PLCB1: variants seen among roughly 807,000 people sequenced by gnomAD.
PLCB1 encodes the protein 1-phosphatidylinositol 4,5-bisphosphate phosphodiesterase beta-1.
Under a neutral mutation model 161.8 loss-of-function variants are expected in PLCB1, and 46 were observed. The observed-to-expected ratio is 0.28, with a 90% CI of 0.22 to 0.36. The LOEUF is 0.36. PLCB1 is among the 10% of genes least tolerant of loss of function. PLCB1 has a pLI of 1.00. For synonymous variants in PLCB1, 517 were observed against 503.7 expected (o/e 1.03, Z -0.35); for missense variants, 1,016 against 1,472.5 (o/e 0.69, Z 5.07).
At chr20:8,236,493 A>G (rs1276525905) in intron 2 of PLCB1, among the ~76,000 whole-genome samples, 1 of 151,992 alleles carries the variant, frequency 6.6e-6, no homozygotes, top group Non-Finnish European at 1.5e-5. Flanking sequence ...TAATCTCACA[A>G]CTGCACTCCA....
intron 2 of PLCB1, among the ~76,000 whole-genome samples, chr20:8,154,215 G>A (rs2051537606): frequency 6.6e-6 from 1 of 152,156 alleles, no homozygotes; most frequent in Non-Finnish European, 1.5e-5. Flanking sequence ...GTTAGTACAT[G>A]TGTGTCTATA....
intron 27 of PLCB1, among the ~76,000 whole-genome samples, chr20:8,787,368 G>C (rs77269830): frequency 0.015 from 2,234 of 152,230 alleles, 64 homozygotes; most frequent in African/African-American, 0.05. Flanking sequence ...CAGTTTTTCC[G>C]GGGACTCCCT....
At chr20:8,547,641 C>T (rs1333035566) in intron 3 of PLCB1, among the ~76,000 whole-genome samples, 3 of 152,108 alleles carry the variant, frequency 2.0e-5, no homozygotes, top group Non-Finnish European at 4.4e-5. Flanking sequence ...CTCAACTACC[C>T]CACTTGTCAG....
chr20:8,400,801 T>C (rs1978515713), intron 3 of PLCB1, among the ~76,000 whole-genome samples: 1 of 152,196 alleles, frequency 6.6e-6, no homozygotes, highest in Non-Finnish European at 1.5e-5. Flanking sequence ...TTTTATTGTT[T>C]CCGGTTTTTT....
At chr20:8,595,272 C>T (rs1489121985) in intron 3 of PLCB1, among the ~76,000 whole-genome samples, 5 of 139,152 alleles carry the variant, frequency 3.6e-5, no homozygotes, top group Non-Finnish European at 4.6e-5. Flanking sequence ...CACAACAGTC[C>T]CCAGAGTGTG....
Position 8,258,524 on chromosome 20 carries a change from T to A in PLCB1, c.177+108153T>A, listed in dbSNP as rs574104570. Among the ~76,000 whole-genome samples, 7 of 152,284 alleles carry A rather than the reference T, an allele frequency of 4.6e-5. No individual in the cohort carries two copies. The South Asian group carries it at 1.5e-3, about 32-fold the overall frequency. ...AATTTCATACACTTGAAGAAATAGA[T>A]CTTGAGTTCAGTTTTTCCCTGCAAA... On this transcript the variant is annotated intron_variant, in intron 2 of 31. Coordinates refer to ENST00000338037, the MANE Select transcript of PLCB1 (RefSeq NM_015192.4).
intron 2 of PLCB1, among the ~76,000 whole-genome samples, chr20:8,276,514 T>C (rs1341706914): frequency 1.3e-5 from 2 of 152,222 alleles, no homozygotes; most frequent in African/African-American, 2.4e-5. Flanking sequence ...CCTTTCATTG[T>C]TATGTCATAC....
At chr20:8,875,321 G>A (rs1416850366) in intron 31 of PLCB1, among the ~76,000 whole-genome samples, 2 of 149,610 alleles carry the variant, frequency 1.3e-5, no homozygotes, top group Admixed American at 1.3e-4. Context: ...CATTCTCCTA[G>A]ACAGAAGCAA....
At chr20:8,375,550 G>A (rs965460498) in intron 3 of PLCB1, among the ~76,000 whole-genome samples, 3 of 152,102 alleles carry the variant, frequency 2.0e-5, no homozygotes, top group African/African-American at 7.2e-5. Context: ...AGCATAAAGT[G>A]TAATTTTTAC....
At chr20:8,430,114 A>G (rs776233569) in intron 3 of PLCB1, among the ~76,000 whole-genome samples, 16 of 152,038 alleles carry the variant, frequency 1.1e-4, no homozygotes, top group Non-Finnish European at 1.8e-4. Context: ...GGTTATTTAC[A>G]CTGTGACTGG....
intron 3 of PLCB1, among the ~76,000 whole-genome samples, chr20:8,603,001 A>G (rs141262763): frequency 7.9e-4 from 120 of 151,690 alleles, no homozygotes; most frequent in African/African-American, 2.6e-3. Flanking sequence ...CCCCAGATAT[A>G]TATAACTCAT....
intron 3 of PLCB1, among the ~76,000 whole-genome samples, chr20:8,612,997 G>C (rs996225759): frequency 1.3e-5 from 2 of 152,176 alleles, no homozygotes; most frequent in Non-Finnish European, 2.9e-5. Context: ...GATGTGAGAT[G>C]TGTGGGTGGG....
At chr20:8,186,843 T>C (rs144805882) in intron 2 of PLCB1, among the ~76,000 whole-genome samples, 20 of 152,226 alleles carry the variant, frequency 1.3e-4, no homozygotes, top group African/African-American at 4.8e-4. Context: ...TGGACTGGCA[T>C]GAAGTTTCAG....
intron 2 of PLCB1, among the ~76,000 whole-genome samples, chr20:8,231,113 T>C (rs1980008495): frequency 6.6e-6 from 1 of 152,178 alleles, no homozygotes; most frequent in Non-Finnish European, 1.5e-5. Flanking sequence ...AACCATCCCA[T>C]GCTGCAACCC....
At chr20:8,718,438 C>T (rs1210564225) in intron 14 of PLCB1, among the ~76,000 whole-genome samples, 4 of 152,290 alleles carry the variant, frequency 2.6e-5, no homozygotes, top group Non-Finnish European at 2.9e-5. Flanking sequence ...TTCCTGGAGG[C>T]GCTAAGGGAG....
At chr20:8,825,923 C>T (rs1348880941) in intron 31 of PLCB1, among the ~76,000 whole-genome samples, 1 of 152,030 alleles carries the variant, frequency 6.6e-6, no homozygotes, top group East Asian at 1.9e-4. Flanking sequence ...AGGGAGGAGT[C>T]AAGGAATTGC....
chr20:8,387,682 C>T (rs920917118), intron 3 of PLCB1, among the ~76,000 whole-genome samples: 1 of 152,050 alleles, frequency 6.6e-6, no homozygotes, highest in Non-Finnish European at 1.5e-5. Context: ...CAACAAAAAA[C>T]CCCCACAATA....
chr20:8,229,892 A>ATT (rs1979917231), intron 2 of PLCB1, among the ~76,000 whole-genome samples: 1 of 149,876 alleles, frequency 6.7e-6, no homozygotes, highest in Non-Finnish European at 1.5e-5. Context: ...ATAAAAATAA[A>ATT]ATAAAAAAAA....
chr20:8,515,112 A>G (rs1984057362), intron 3 of PLCB1, among the ~76,000 whole-genome samples: 1 of 152,232 alleles, frequency 6.6e-6, no homozygotes, highest in Admixed American at 6.5e-5. Flanking sequence ...AAATGTTAAA[A>G]TCAAGGCACA....
Sources: gnomAD v4.1 joint callset for allele counts (sites outside exome capture counted in the v4.1 genomes callset) on GRCh38, gnomAD v4.1.1 for gene constraint, MANE v1.5 for transcripts, NCBI Gene and HGNC (gene_info 2026-07-23, HGNC 2026-07-21) for gene names.